ANO2: variants seen among roughly 807,000 people sequenced by gnomAD.
ANO2 encodes anoctamin 2, also known as anoctamin-2.
A neutral mutation model predicts 124.2 loss-of-function variants in ANO2; 101 were observed. The observed-to-expected ratio is 0.81, with a 90% CI of 0.69 to 0.96. ANO2 has a LOEUF of 0.96. Ranked by LOEUF, ANO2 falls within the 40% of genes least tolerant of loss-of-function variation. The pLI, the probability that ANO2 is intolerant of heterozygous loss-of-function variation, is 0.00. For synonymous variants in ANO2, 486 were observed against 482.5 expected (o/e 1.01, Z -0.09); for missense variants, 1,293 against 1,274.5 (o/e 1.01, Z -0.22).
chr12:5,756,992 A>C (rs529966740), intron 10 of ANO2, among the ~76,000 whole-genome samples: 41 of 152,342 alleles, frequency 2.7e-4, no homozygotes, highest in Non-Finnish European at 5.4e-4. Flanking sequence ...TGCTGTCACT[A>C]GGTGTTCAAG....
At chr12:5,709,764 C>T (rs1278726882) in intron 14 of ANO2, among the ~76,000 whole-genome samples, 1 of 152,226 alleles carries the variant, frequency 6.6e-6, no homozygotes, top group Non-Finnish European at 1.5e-5. Flanking sequence ...TAGCCTCACT[C>T]CTGCTCTCCT....
At chr12:5,622,341 TTA>T (rs1308548356) in intron 16 of ANO2, among the ~76,000 whole-genome samples, 4 of 152,296 alleles carry the variant, frequency 2.6e-5, no homozygotes, top group Admixed American at 2.6e-4. Context: ...TGGCTATTAT[TTA>T]TGAGTTTTAC....
chr12:5,817,571 C>A (rs532427946), intron 7 of ANO2, among the ~76,000 whole-genome samples: 1 of 151,942 alleles, frequency 6.6e-6, no homozygotes, highest in East Asian at 1.9e-4. Context: ...TGGAGGACAG[C>A]GATGTTTGAT....
chr12:5,873,198 T>TCG lies in ANO2; in HGVS notation c.535-19058_535-19057insCG, dbSNP rs1555176480. ...CTTTGTTACTTTTGCCTAAAGCAGC[T>TCG]CTCTCTCTCTCTCTCTCTCTCTCTC... On this transcript the variant is annotated intron_variant, in intron 3 of 24. Transcript: ENST00000682330. 7.9e-3 allele frequency among the ~76,000 whole-genome samples: 199 copies of TCG among 25,248 alleles called. 1 individual carries two copies. The highest frequency in any genetic ancestry group is 0.02 in the Middle Eastern group (2 of 100). 16.6% of individuals were successfully genotyped at this position (25,248 alleles called of 152,430 possible).
At chr12:5,691,698 G>T (rs1397254529) in intron 14 of ANO2, among the ~76,000 whole-genome samples, 1 of 151,926 alleles carries the variant, frequency 6.6e-6, no homozygotes, top group Non-Finnish European at 1.5e-5. Flanking sequence ...GAGCCCAGGA[G>T]TTCAAGACCA....
At chr12:5,932,711 G>T (rs953598192) in intron 1 of ANO2, among the ~76,000 whole-genome samples, 1 of 152,136 alleles carries the variant, frequency 6.6e-6, no homozygotes, top group Non-Finnish European at 1.5e-5. Context: ...AGAGAGGAAG[G>T]AAAGTAGACC....
chr12:5,703,554 T>G (rs1290109252), intron 14 of ANO2, among the ~76,000 whole-genome samples: 1 of 152,172 alleles, frequency 6.6e-6, no homozygotes, highest in African/African-American at 2.4e-5. Context: ...TTATTTTTTT[T>G]GAGACAGGGT....
chr12:5,751,453 C>T (rs11063847), intron 10 of ANO2, among the ~76,000 whole-genome samples: 17,327 of 152,212 alleles, frequency 0.11, 1,071 homozygotes, highest in Admixed American at 0.18. Flanking sequence ...TACTGAAAAA[C>T]GACTAGAAGA....
chr12:5,618,522 A>G (rs756509589), intron 16 of ANO2, among the ~76,000 whole-genome samples: 4 of 152,218 alleles, frequency 2.6e-5, no homozygotes, highest in African/African-American at 4.8e-5. Flanking sequence ...GCCTTGCTCA[A>G]GATCACACAG....
At chr12:5,923,360 A>C (rs144324780) in intron 1 of ANO2, among the ~76,000 whole-genome samples, 81 of 152,242 alleles carry the variant, frequency 5.3e-4, no homozygotes, top group Non-Finnish European at 9.8e-4. Flanking sequence ...CCAGATAAGA[A>C]AGGGGTGGCA....
At chr12:5,785,738 C>CA (rs908302053) in intron 10 of ANO2, among the ~76,000 whole-genome samples, 35 of 152,224 alleles carry the variant, frequency 2.3e-4, no homozygotes, top group Admixed American at 1.6e-3. Flanking sequence ...CGTGACAACT[C>CA]AAAGCCATTT....
At chr12:5,613,301 C>T (rs138217455) in intron 17 of ANO2, among the ~76,000 whole-genome samples, 259 of 152,226 alleles carry the variant, frequency 1.7e-3, no homozygotes, top group African/African-American at 5.8e-3. Flanking sequence ...ACACCTTCTT[C>T]CCTAGCTGGT....
chr12:5,567,294 C>T (rs1314318910), intron 23 of ANO2, among the ~76,000 whole-genome samples: 1 of 152,236 alleles, frequency 6.6e-6, no homozygotes, highest in Admixed American at 6.5e-5. Context: ...AGGACAGAAA[C>T]ATGGCCAGCT....
At chr12:5,942,812 C>A (rs1162911013) in intron 1 of ANO2, among the ~76,000 whole-genome samples, 1 of 152,158 alleles carries the variant, frequency 6.6e-6, no homozygotes, top group Non-Finnish European at 1.5e-5. Flanking sequence ...GGAGAATAGA[C>A]GTTTCTCAAA....
Position 5,612,706 on chromosome 12 carries a change from G to T in ANO2, c.2037C>A (p.Ile679=), listed in dbSNP as rs963776984. The T allele has an allele frequency of 6.2e-7, 1 of 1,613,972 alleles. No homozygotes were observed. Among genetic ancestry groups the T allele is most frequent in the Non-Finnish European group, 8.5e-7 (1 of 1,179,880 alleles). ...TCTGGATCAACTGCTTCCCCAACAT[G>T]ATGATGCTGAGCTGAATGCAGAGCT... is the stretch of plus-strand genomic sequence containing the variant. ...LMELCIQLSI[I]MLGKQLIQNN... is the part of the protein sequence containing the mutation. The change falls in exon 19 of 25, where the codon ATC becomes ATA. Residue 679 remains isoleucine, a synonymous_variant. Transcript: ENST00000682330.
intron 1 of ANO2, among the ~76,000 whole-genome samples, chr12:5,934,976 G>A (rs1198684949): frequency 6.6e-6 from 1 of 152,198 alleles, no homozygotes; most frequent in Non-Finnish European, 1.5e-5. Flanking sequence ...TCAGGCTACT[G>A]AGGACTTTGG....
intron 1 of ANO2, among the ~76,000 whole-genome samples, chr12:5,923,896 T>C (rs1941955880): frequency 6.6e-6 from 1 of 152,176 alleles, no homozygotes; most frequent in African/African-American, 2.4e-5. Flanking sequence ...GCTCTGCCAC[T>C]TGCCAGCTCT....
At chr12:5,674,858 G>A (rs1948164327) in intron 14 of ANO2, among the ~76,000 whole-genome samples, 1 of 152,214 alleles carries the variant, frequency 6.6e-6, no homozygotes, top group African/African-American at 2.4e-5. Flanking sequence ...CAGAGTATTG[G>A]TAGGTTGTTA....
chr12:5,867,778 GAAAAAAAAA>G (rs10622876), intron 3 of ANO2, among the ~76,000 whole-genome samples: 4 of 78,550 alleles, frequency 5.1e-5, no homozygotes, highest in Middle Eastern at 0.013. Flanking sequence ...GCACTATAAT[GAAAAAAAAA>G]AAAAAAAAAA....
Sources: allele counts gnomAD v4.1 joint callset (sites outside exome capture counted in the v4.1 genomes callset), GRCh38; gene constraint gnomAD v4.1.1; transcripts MANE v1.5; gene names NCBI Gene and HGNC (gene_info 2026-07-23, HGNC 2026-07-21).